RPAP3: variants seen among roughly 807,000 people sequenced by gnomAD.
RPAP3 encodes the protein RNA polymerase II-associated protein 3.
A neutral mutation model predicts 88.8 loss-of-function variants in RPAP3; 58 were observed. That is an observed-to-expected ratio of 0.65 (90% CI 0.53 to 0.81). The LOEUF (loss-of-function observed/expected upper bound fraction) is 0.81, where lower values mean the gene tolerates loss of function less well. Ranked by LOEUF, RPAP3 falls within the 40% of genes least tolerant of loss-of-function variation. RPAP3 has a pLI of 0.00. For synonymous variants in RPAP3, 255 were observed against 259.9 expected (o/e 0.98, Z 0.18); for missense variants, 751 against 764.3 (o/e 0.98, Z 0.20).
At position 47,668,982 on chromosome 12, in the gene RPAP3, C is replaced by T. The variant is rs143362784; in HGVS notation, c.1647G>A (p.Ser549=). 4.3e-5 allele frequency: 70 copies of T among 1,613,984 alleles called. No homozygotes were observed. Among genetic ancestry groups the T allele is most frequent in the Non-Finnish European group, 5.7e-5 (67 of 1,179,934 alleles). ...TTVLPPIPAN[S]FQLESDFRQL... ...GTCTGAAATCAGATTCGAGCTGGAA[C>T]GAGTTTGCAGGAATTGGAGGAAGAA... The change falls in exon 14 of 17, where the codon TCG becomes TCA. Residue 549 remains serine, a synonymous_variant. Coordinates refer to ENST00000005386, the MANE Select transcript of RPAP3 (RefSeq NM_024604.3).
intron 8 of RPAP3, among the ~76,000 whole-genome samples, chr12:47,687,298 C>A (rs1160823770): frequency 6.6e-6 from 1 of 152,006 alleles, no homozygotes; most frequent in Non-Finnish European, 1.5e-5. Context: ...TGAAAGAATA[C>A]AGTACCAGAA....
chr12:47,663,865 C>T (rs1331804634), intron 16 of RPAP3, among the ~76,000 whole-genome samples: 1 of 152,176 alleles, frequency 6.6e-6, no homozygotes, highest in African/African-American at 2.4e-5. Context: ...AAACTTAATT[C>T]ATTCTGTACT....
Position 47,697,716 on chromosome 12 carries a change from G to C in RPAP3, c.298C>G (p.Arg100Gly). Residue 100 changes from arginine (R) to glycine (G), a missense_variant, in exon 4 of 17, where the codon CGT becomes GGT. Coordinates refer to ENST00000005386, the MANE Select transcript of RPAP3 (RefSeq NM_024604.3). ...TCTTTGTCAAGCTCATCAAGGATAC[G>C]GTCCTAAAATCAAAAGACGGAAAAC... The part of the protein sequence containing the change: ...YEAWAKLDVD[R>G]ILDELDKDDS... 6.3e-7 allele frequency: 1 copy of C among 1,590,502 alleles called. No individual in the cohort carries two copies. Among genetic ancestry groups the C allele is most frequent in the Admixed American group, 1.9e-5 (1 of 53,592 alleles).
chr12:47,681,565 TA>T, intron 10 of RPAP3, 130 bp downstream of exon 10: 1 of 925,460 alleles, frequency 1.1e-6, no homozygotes, highest in Non-Finnish European at 1.6e-6. Context: ...ATTCGTGATC[TA>T]AACTGTGGAA....
chr12:47,682,892 T>C (rs893251080), intron 9 of RPAP3, among the ~76,000 whole-genome samples: 1 of 152,168 alleles, frequency 6.6e-6, no homozygotes, highest in African/African-American at 2.4e-5. Context: ...CCTGATTATA[T>C]CATTCAAGAT....
chr12:47,666,971 A>C lies in RPAP3; in HGVS notation c.1912+9T>G. ...AAAATAAACATGGGAAAACTTTCAT[A>C]GAACTTACTCTTTTTCTCTGTTTCT... On this transcript the variant is annotated intron_variant, in intron 16 of 16. Coordinates refer to ENST00000005386, the MANE Select transcript of RPAP3 (RefSeq NM_024604.3). 1 of 1,445,852 alleles carries C rather than the reference A, an allele frequency of 6.9e-7. No individual in the cohort carries two copies. The highest frequency in any genetic ancestry group is 9.3e-7 in the Non-Finnish European group (1 of 1,075,304). The allele number at this position is 1,445,852 out of a possible 1,614,324, so 89.6% of individuals were successfully genotyped here.
At chr12:47,690,406 TC>T (rs1033559605) in intron 6 of RPAP3, 111 bp downstream of exon 6, 2 of 874,216 alleles carry the variant, frequency 2.3e-6, no homozygotes, top group African/African-American at 3.4e-5. Flanking sequence ...TGACCTTTGT[TC>T]AAATACAGAA....
chr12:47,691,991 C>G (rs143174921), intron 5 of RPAP3, among the ~76,000 whole-genome samples: 1 of 152,112 alleles, frequency 6.6e-6, no homozygotes, highest in African/African-American at 2.4e-5. Flanking sequence ...GTGATCTGCC[C>G]GCCTCGGCCT....
intron 16 of RPAP3, among the ~76,000 whole-genome samples, chr12:47,665,443 T>C (rs954222945): frequency 6.6e-6 from 1 of 151,326 alleles, no homozygotes; most frequent in Non-Finnish European, 1.5e-5. Flanking sequence ...AAAAGCTATA[T>C]AAAACCACTA....
chr12:47,667,552 A>G (rs769410719), intron 15 of RPAP3, among the ~76,000 whole-genome samples: 2 of 152,192 alleles, frequency 1.3e-5, no homozygotes, highest in Non-Finnish European at 2.9e-5. Context: ...CTCACTTAAC[A>G]TCATCAATAG....
At chr12:47,700,348 T>C (rs193110721) in intron 3 of RPAP3, among the ~76,000 whole-genome samples, 6 of 152,300 alleles carry the variant, frequency 3.9e-5, no homozygotes, top group East Asian at 1.9e-4. Flanking sequence ...TACCAGTAGC[T>C]TCAATAATAT....
In RPAP3 at chr12:47,669,059, C is replaced by T. The variant is rs1338476521; in HGVS notation, c.1570G>A (p.Glu524Lys). 16 of 1,613,928 alleles carry T rather than the reference C, an allele frequency of 9.9e-6. No homozygotes were observed. In the South Asian group the frequency reaches 1.1e-4, roughly 11 times the overall value. Residue 524 changes from glutamate to lysine, a missense_variant, in exon 14 of 17, where the codon GAG (glutamate) becomes AAG (lysine). Coordinates refer to ENST00000005386, the MANE Select transcript of RPAP3 (RefSeq NM_024604.3). ...LKQDVCQSYS[E>K]KMPIEIEQKP... ...TGTTCTATCTCTATGGGCATTTTCT[C>T]GCTGTAAGACTGACATACATCCTGC...
At chr12:47,686,577 C>CACACAA (rs1555182568) in intron 9 of RPAP3, among the ~76,000 whole-genome samples, 1 of 150,166 alleles carries the variant, frequency 6.7e-6, no homozygotes, top group South Asian at 2.1e-4. Flanking sequence ...CACACACACA[C>CACACAA]TACTTTTCCC....
intron 1 of RPAP3, among the ~76,000 whole-genome samples, chr12:47,703,296 A>G (rs1367012679): frequency 6.6e-6 from 1 of 152,250 alleles, no homozygotes; most frequent in Non-Finnish European, 1.5e-5. Flanking sequence ...ATAAAGCACT[A>G]GTAACAAAAT....
rs1939558436 is a variant in RPAP3 at position 47,697,601 on chromosome 12, T to G, written c.413A>C (p.Glu138Ala). 5.6e-6 allele frequency: 9 copies of G among 1,596,470 alleles called. No homozygotes were observed. The highest frequency in any genetic ancestry group is 6.8e-6 in the Non-Finnish European group (8 of 1,175,350). Reference sequence around the variant, plus strand: ...CAAAACCTAACTAATTAGTACCTTTTCTTTTAAAACAAGAGCCTTTTGTGA... The same window carrying G: ...CAAAACCTAACTAATTAGTACCTTTGCTTTTAAAACAAGAGCCTTTTGTGA... ...VDSQKALVLK[E>A]KGNKYFKQGK... is the part of the protein sequence containing the mutation. The change falls in exon 4 of 17, where the codon GAA (glutamate) becomes GCA (alanine). Residue 138 changes from glutamate to alanine, a missense_variant. Physicochemically the swap from Glu to Ala is moderately radical, Grantham distance 107. Transcript: ENST00000005386.
intron 2 of RPAP3, 55 bp downstream of exon 2, chr12:47,702,633 C>A: frequency 7.4e-7 from 1 of 1,355,062 alleles, no homozygotes; most frequent in South Asian, 1.4e-5. Context: ...AAAAGTTATG[C>A]TTTATTTTTA....
Position 47,689,288 on chromosome 12 carries a change from C to T in RPAP3, c.668-93G>A, listed in dbSNP as rs1384599327. 5 of 579,930 alleles carry T rather than the reference C, an allele frequency of 8.6e-6. No individual in the cohort carries two copies. In the Admixed American group the frequency reaches 1.8e-4, roughly 21 times the overall value. The allele number at this position is 579,930 out of a possible 1,614,324, so 35.9% of individuals were successfully genotyped here. A position where few individuals can be genotyped will look rare whatever the true frequency, so the allele number is the denominator to read the frequency against. ...TCTTTTGTTGCCTGTGACAATCAGGCAACTGTCCTACAGCAAAATAAAGGA... is the reference window on the plus strand; with the variant it reads ...TCTTTTGTTGCCTGTGACAATCAGGTAACTGTCCTACAGCAAAATAAAGGA... On this transcript the variant is annotated intron_variant, in intron 6 of 16. Transcript: ENST00000005386.
At chr12:47,703,026 G>A (rs1939687753) in intron 1 of RPAP3, among the ~76,000 whole-genome samples, 180 bp from the exon 2 acceptor site, 1 of 152,156 alleles carries the variant, frequency 6.6e-6, no homozygotes, top group African/African-American at 2.4e-5. Flanking sequence ...ATCAGTTGCT[G>A]AATAAACAAA....
chr12:47,703,485 C>A (rs75776813), intron 1 of RPAP3, among the ~76,000 whole-genome samples: 2 of 152,162 alleles, frequency 1.3e-5, no homozygotes, highest in Non-Finnish European at 2.9e-5. Flanking sequence ...CCAGACACTG[C>A]CAAATGTTCC....
Sources: allele counts gnomAD v4.1 joint callset (sites outside exome capture counted in the v4.1 genomes callset), GRCh38; gene constraint gnomAD v4.1.1; transcripts MANE v1.5; gene names NCBI Gene and HGNC (gene_info 2026-07-23, HGNC 2026-07-21).